Variants in SH3GL3 observed in about 807,000 individuals in gnomAD.
SH3GL3 encodes the protein SH3 domain containing GRB2 like 3, endophilin A3, also known as endophilin-A3.
A neutral mutation model predicts 47.7 loss-of-function variants in SH3GL3; 33 were observed. That is an observed-to-expected ratio of 0.69 (90% CI 0.52 to 0.92). The LOEUF (loss-of-function observed/expected upper bound fraction) is 0.92. SH3GL3 is among the 40% of genes least tolerant of loss of function. The probability of loss-of-function intolerance (pLI) is 0.00; values close to 1 mark genes in which losing one functional copy is unlikely to be tolerated. For synonymous variants in SH3GL3, 155 were observed against 148.8 expected (o/e 1.04, Z -0.30); for missense variants, 363 against 417.8 (o/e 0.87, Z 1.14).
intron 5 of SH3GL3, among the ~76,000 whole-genome samples, chr15:83,574,595 C>T (rs1471644764): frequency 3.9e-5 from 6 of 152,154 alleles, no homozygotes; most frequent in Admixed American, 3.3e-4. Context: ...CTCCAGCCCA[C>T]AGCCAGGGCA....
intron 8 of SH3GL3, among the ~76,000 whole-genome samples, chr15:83,614,593 C>T (rs2060763601): frequency 6.6e-6 from 1 of 152,060 alleles, no homozygotes; most frequent in Non-Finnish European, 1.5e-5. Flanking sequence ...ATAGGAAGGA[C>T]CTGAGAAACA....
chr15:83,590,086 T>G (rs2060055471), intron 8 of SH3GL3, among the ~76,000 whole-genome samples: 1 of 152,196 alleles, frequency 6.6e-6, no homozygotes, highest in South Asian at 2.1e-4. Context: ...AATTGTCTGT[T>G]TATGTCATTT....
At chr15:83,578,070 A>G (rs1254086565) in intron 6 of SH3GL3, among the ~76,000 whole-genome samples, 1 of 151,838 alleles carries the variant, frequency 6.6e-6, no homozygotes, top group African/African-American at 2.4e-5. Flanking sequence ...CTTATCCCTC[A>G]GAAGTGCCAA....
chr15:83,538,652 T>C (rs2044025013), intron 1 of SH3GL3, among the ~76,000 whole-genome samples: 1 of 152,244 alleles, frequency 6.6e-6, no homozygotes, highest in African/African-American at 2.4e-5. Context: ...GCTTCTTTCA[T>C]TCAATGTTAT....
intron 1 of SH3GL3, among the ~76,000 whole-genome samples, chr15:83,542,555 T>C (rs1311543254): frequency 6.6e-6 from 1 of 152,196 alleles, no homozygotes; most frequent in Non-Finnish European, 1.5e-5. Flanking sequence ...TGTAGGTTGC[T>C]TTAGTAGGTA....
chr15:83,524,484 C>T (rs1299375653), intron 1 of SH3GL3, among the ~76,000 whole-genome samples: 4 of 152,096 alleles, frequency 2.6e-5, no homozygotes, highest in Admixed American at 6.6e-5. Context: ...GGGTATCTAT[C>T]GCCTTTGTAT....
At chr15:83,565,243 C>A in intron 3 of SH3GL3, 37 bp downstream of exon 3, 2 of 1,126,732 alleles carry the variant, frequency 1.8e-6, no homozygotes, top group Non-Finnish European at 2.7e-6. Context: ...TTTGCTGTCA[C>A]AGACTCTAAT....
At chr15:83,488,536 T>C (rs1416950125) in intron 1 of SH3GL3, among the ~76,000 whole-genome samples, 2 of 152,212 alleles carry the variant, frequency 1.3e-5, no homozygotes, top group Admixed American at 6.5e-5. Flanking sequence ...GTGCTCTTTG[T>C]ATGAGTTAGA....
At chr15:83,548,701 G>A (rs2044522187) in intron 1 of SH3GL3, among the ~76,000 whole-genome samples, 1 of 152,060 alleles carries the variant, frequency 6.6e-6, no homozygotes. Context: ...AATGCAATGT[G>A]TATCTTTCTC....
At chr15:83,474,202 G>A (rs949474896) in intron 1 of SH3GL3, among the ~76,000 whole-genome samples, 1 of 152,096 alleles carries the variant, frequency 6.6e-6, no homozygotes, top group Non-Finnish European at 1.5e-5. Flanking sequence ...TATCCCTATG[G>A]TATCCCAAGT....
intron 2 of SH3GL3, among the ~76,000 whole-genome samples, chr15:83,559,677 T>C (rs1189780964): frequency 6.6e-6 from 1 of 152,246 alleles, no homozygotes; most frequent in Non-Finnish European, 1.5e-5. Context: ...ACAAGATTTT[T>C]TGAAATGCAG....
intron 1 of SH3GL3, among the ~76,000 whole-genome samples, chr15:83,450,740 A>T (rs951158957): frequency 3.1e-4 from 27 of 87,850 alleles, no homozygotes; most frequent in Non-Finnish European, 3.4e-4. Flanking sequence ...ATTATCCTTT[A>T]TTAAAATGGG....
chr15:83,559,262 G>GA lies in SH3GL3; in HGVS notation c.61dup (p.Ile21AsnfsTer5), dbSNP rs745757313. ...ATGTTTATTTCTGCAGCTATTTAGT[G>GA]AAAAAATAAGTGGTGCTGAAGGAAC... On this transcript the variant is annotated frameshift_variant, in exon 2 of 9. Coordinates refer to ENST00000427482, the MANE Select transcript of SH3GL3 (RefSeq NM_003027.5). LOFTEE classifies it high-confidence loss of function. The GA allele has an allele frequency of 3.4e-5, 53 of 1,567,176 alleles. No homozygotes were observed. The highest frequency in any genetic ancestry group is 4.5e-5 in the Non-Finnish European group (51 of 1,137,382).
At chr15:83,573,050 T>G (rs138322903) in intron 5 of SH3GL3, among the ~76,000 whole-genome samples, 211 of 152,366 alleles carry the variant, frequency 1.4e-3, no homozygotes, top group African/African-American at 4.9e-3. Flanking sequence ...CATGTTTTGA[T>G]GCGTTGCCCT....
chr15:83,546,268 C>T (rs971933833), intron 1 of SH3GL3, among the ~76,000 whole-genome samples: 5 of 151,512 alleles, frequency 3.3e-5, no homozygotes, highest in African/African-American at 1.2e-4. Flanking sequence ...CTTTTTTGCT[C>T]TCCTTTCCTC....
chr15:83,588,833 T>C, intron 8 of SH3GL3, 62 bp downstream of exon 8: 1 of 860,950 alleles, frequency 1.2e-6, no homozygotes, highest in Admixed American at 1.8e-5. Context: ...GAAACACTTA[T>C]TTACTGCTTG....
chr15:83,514,086 C>T (rs2042884150), intron 1 of SH3GL3, among the ~76,000 whole-genome samples: 2 of 152,182 alleles, frequency 1.3e-5, no homozygotes, highest in Non-Finnish European at 1.5e-5. Flanking sequence ...ATTATAAGTA[C>T]TTGCTCATCA....
chr15:83,481,432 A>G (rs2041351886), intron 1 of SH3GL3, among the ~76,000 whole-genome samples: 2 of 152,198 alleles, frequency 1.3e-5, no homozygotes, highest in African/African-American at 4.8e-5. Flanking sequence ...GTAATTTGTC[A>G]GCTTTGTTTT....
At chr15:83,552,691 A>G (rs2044724021) in intron 1 of SH3GL3, among the ~76,000 whole-genome samples, 2 of 152,194 alleles carry the variant, frequency 1.3e-5, no homozygotes, top group Non-Finnish European at 2.9e-5. Flanking sequence ...GGATATAGGT[A>G]TATGTGCATA....
Sources: gnomAD v4.1 joint callset for allele counts (sites outside exome capture counted in the v4.1 genomes callset) on GRCh38, gnomAD v4.1.1 for gene constraint, MANE v1.5 for transcripts, NCBI Gene and HGNC (gene_info 2026-07-23, HGNC 2026-07-21) for gene names.